The following DSE variants were observed in gnomAD, a reference collection of about 807,000 sequenced individuals.
DSE encodes the protein dermatan sulfate epimerase, also known as dermatan-sulfate epimerase.
Under a neutral mutation model 84.4 loss-of-function variants are expected in DSE, and 36 were observed. The ratio of observed to expected loss-of-function variants is 0.43; its 90% CI spans 0.33 to 0.56. The LOEUF (loss-of-function observed/expected upper bound fraction) is 0.56, where lower values mean the gene tolerates loss of function less well. Ranked by LOEUF, DSE falls within the 20% of genes least tolerant of loss-of-function variation. DSE has a pLI of 0.06. For synonymous variants in DSE, 410 were observed against 430.1 expected, an observed-to-expected ratio of 0.95 and a Z score of 0.58; for missense variants, 862 against 1,169.6, an observed-to-expected ratio of 0.74 and a Z score of 3.84.
intron 1 of DSE, among the ~76,000 whole-genome samples, chr6:116,394,681 C>G (rs1435465305): frequency 6.6e-6 from 1 of 152,120 alleles, no homozygotes; most frequent in Non-Finnish European, 1.5e-5. Flanking sequence ...CTCCTGACCT[C>G]AACTGATCCT....
In DSE at chr6:116,441,139, A is replaced by G. The variant is rs2115109092; in HGVS notation, c.*3794A>G. 6.6e-6 allele frequency: 1 copy of G among 152,352 alleles called. No individual in the cohort carries two copies. Among genetic ancestry groups the G allele is most frequent in the East Asian group, 1.9e-4 (1 of 5,192 alleles). 9.4% of individuals were successfully genotyped at this position (152,352 alleles called of 1,614,324 possible). ...CATAAGTTTTCAAGAAATGACTGAT[A>G]TAAATCATGTGTTCCACTACATAGT... On this transcript the variant is annotated 3_prime_UTR_variant, in exon 6 of 6. Transcript: ENST00000644252.
At chr6:116,316,823 C>CTATTATTATTATTATTATTAT (rs1295122719) in intron 2 of DSE, among the ~76,000 whole-genome samples, 10 of 88,312 alleles carry the variant, frequency 1.1e-4, no homozygotes, top group African/African-American at 5.0e-4. Context: ...ACTACTACTA[C>CTATTATTATTATTATTATTAT]TACTATTATT....
At chr6:116,302,729 G>A (rs1199166564) in intron 2 of DSE, among the ~76,000 whole-genome samples, 2 of 147,728 alleles carry the variant, frequency 1.4e-5, no homozygotes, top group African/African-American at 4.9e-5. Context: ...CCTATGTCCT[G>A]AATGGTATTG....
At chr6:116,280,537 C>T (rs1401456836) in intron 2 of DSE, among the ~76,000 whole-genome samples, 1 of 152,200 alleles carries the variant, frequency 6.6e-6, no homozygotes, top group Non-Finnish European at 1.5e-5. Context: ...GCTAAATGTT[C>T]CATGCCTTTT....
Position 116,437,181 on chromosome 6 carries a change from C to T in DSE, c.2713C>T (p.Leu905=). The stretch of plus-strand genomic sequence containing the variant: ...GTCTGCTTCCTATACCAGGTTGTTC[C>T]TGATTCTGAACATTGCTATTTTCTT... ...SLSASYTRLF[L]ILNIAIFFVM... The change falls in exon 6 of 6, where the codon CTG becomes TTG. Residue 905 remains leucine (L), a synonymous_variant. Transcript: ENST00000644252. 1 of 1,614,150 alleles carries T rather than the reference C, an allele frequency of 6.2e-7. No homozygotes were observed.
chr6:116,335,606 G>A (rs917554881), intron 2 of DSE, among the ~76,000 whole-genome samples: 1 of 152,208 alleles, frequency 6.6e-6, no homozygotes, highest in African/African-American at 2.4e-5. Context: ...TTAGTTTGAA[G>A]ATCTAATTGG....
rs770705583 is a variant in DSE, at chr6:116,436,163, G to A, written c.1695G>A (p.Leu565=). The change falls in exon 6 of 6, where the codon CTG becomes CTA. Residue 565 remains leucine (L), a synonymous_variant. Transcript: ENST00000644252. ...ATCTCATCCTCCTACATCCACAGCTGCTTCTCCTTGTAGACCAAATACACC... is the reference window on the plus strand; with the variant it reads ...ATCTCATCCTCCTACATCCACAGCTACTTCTCCTTGTAGACCAAATACACC... ...QRNLILLHPQ[L]LLLVDQIHLG... 1 of 1,613,282 alleles carries A rather than the reference G, an allele frequency of 6.2e-7. No homozygotes were observed. The highest frequency in any genetic ancestry group is 1.3e-5 in the African/African-American group (1 of 75,028).
chr6:116,345,691 A>C (rs1425723293), intron 2 of DSE, among the ~76,000 whole-genome samples: 1 of 151,818 alleles, frequency 6.6e-6, no homozygotes, highest in Admixed American at 6.6e-5. Context: ...TGACACCCTA[A>C]GATCACAATT....
chr6:116,332,537 T>C (rs1562235700), intron 2 of DSE, among the ~76,000 whole-genome samples: 2 of 152,192 alleles, frequency 1.3e-5, no homozygotes. Context: ...TTAATACTTA[T>C]GTCTGTGATA....
chr6:116,340,174 G>A (rs769069295), intron 2 of DSE, among the ~76,000 whole-genome samples: 56 of 152,132 alleles, frequency 3.7e-4, no homozygotes, highest in Admixed American at 3.9e-4. Context: ...AATGTTTTTC[G>A]TCAAATTTAG....
At chr6:116,265,141 G>C (rs1772571506) in intron 2 of DSE, among the ~76,000 whole-genome samples, 1 of 152,186 alleles carries the variant, frequency 6.6e-6, no homozygotes, top group African/African-American at 2.4e-5. Flanking sequence ...ATTCACCACA[G>C]TGGCAGAGGA....
intron 2 of DSE, among the ~76,000 whole-genome samples, chr6:116,354,931 A>G (rs987767405): frequency 6.6e-5 from 10 of 152,202 alleles, no homozygotes; most frequent in African/African-American, 2.2e-4. Context: ...TGTGCTTTCC[A>G]TGGAAATACG....
At chr6:116,394,363 T>G (rs918366467) in intron 1 of DSE, among the ~76,000 whole-genome samples, 2 of 152,218 alleles carry the variant, frequency 1.3e-5, no homozygotes, top group Non-Finnish European at 2.9e-5. Flanking sequence ...CACGTAATGC[T>G]AAACTTGGAC....
At chr6:116,279,401 G>C in intron 2 of DSE, 1 of 1,613,140 alleles carries the variant, frequency 6.2e-7, no homozygotes, top group Non-Finnish European at 8.5e-7. Context: ...CCCGCCGTCA[G>C]CTCAGACGCG....
At chr6:116,271,475 G>C (rs1582916202) in intron 2 of DSE, among the ~76,000 whole-genome samples, 2 of 152,160 alleles carry the variant, frequency 1.3e-5, no homozygotes, top group Non-Finnish European at 2.9e-5. Context: ...AAATGGAAAA[G>C]GAAGCTCAGA....
chr6:116,425,610 TTTATTTTTA>T (rs150638151), intron 2 of DSE, among the ~76,000 whole-genome samples: 10 of 82,852 alleles, frequency 1.2e-4, no homozygotes, highest in Non-Finnish European at 2.3e-4. Flanking sequence ...TTTTATTTTA[TTTATTTTTA>T]TTTTATTTTA....
chr6:116,443,454 A>C lies in DSE; in HGVS notation c.*6109A>C, dbSNP rs907664402. 5 of 152,332 alleles carry C rather than the reference A, an allele frequency of 3.3e-5. No homozygotes were observed. Among genetic ancestry groups the C allele is most frequent in the African/African-American group, 1.2e-4 (5 of 41,458 alleles). The allele number at this position is 152,332 out of a possible 1,614,324, so 9.4% of individuals were successfully genotyped here. A position where few individuals can be genotyped will look rare whatever the true frequency, so the allele number is the denominator to read the frequency against. On this transcript the variant is annotated 3_prime_UTR_variant, in exon 6 of 6. Coordinates refer to ENST00000644252, the MANE Select transcript of DSE (RefSeq NM_013352.4). Reference sequence around the variant, plus strand: ...ACATAGAATGGTATAACTGGAGTACAGGGTGTGTATGTAGTGGCGGGTGAT... The same window carrying C: ...ACATAGAATGGTATAACTGGAGTACCGGGTGTGTATGTAGTGGCGGGTGAT...
At chr6:116,320,250 T>C (rs1776220486) in intron 2 of DSE, among the ~76,000 whole-genome samples, 1 of 152,190 alleles carries the variant, frequency 6.6e-6, no homozygotes, top group African/African-American at 2.4e-5. Context: ...CCTAGGTATA[T>C]ATTTTATTGC....
chr6:116,365,409 A>G (rs1251908257), upstream of DSE, among the ~76,000 whole-genome samples: 1 of 151,904 alleles, frequency 6.6e-6, no homozygotes, highest in Non-Finnish European at 1.5e-5. Flanking sequence ...ACCCACCACC[A>G]CGCCTGGCTA....
Sources: allele counts gnomAD v4.1 joint callset (sites outside exome capture counted in the v4.1 genomes callset), GRCh38; gene constraint gnomAD v4.1.1; transcripts MANE v1.5; gene names NCBI Gene and HGNC (gene_info 2026-07-23, HGNC 2026-07-21).